The following ZNF90 variants were observed in gnomAD, a reference collection of about 807,000 sequenced individuals.
The protein encoded by ZNF90 is zinc finger protein HTF9.
In ZNF90, 11 loss-of-function variants were observed where a neutral mutation model predicts 12.0. That is an observed-to-expected ratio of 0.92 (90% CI 0.58 to 1.52). The LOEUF (loss-of-function observed/expected upper bound fraction) is 1.52. Ranked by LOEUF, ZNF90 falls within the 40% of genes most tolerant of loss-of-function variation. The pLI, the probability that ZNF90 is intolerant of heterozygous loss-of-function variation, is 0.00. For missense variants in ZNF90, 765 were observed against 711.5 expected, an observed-to-expected ratio of 1.08 and a Z score of -0.86; for synonymous variants, 232 against 240.1, an observed-to-expected ratio of 0.97 and a Z score of 0.31.
Position 20,115,017 on chromosome 19 carries a change from G to A in ZNF90, c.227-2764G>A, listed in dbSNP as rs75437342. On this transcript the variant is annotated intron_variant, in intron 3 of 3. Coordinates refer to ENST00000418063, the MANE Select transcript of ZNF90 (RefSeq NM_007138.2). Reference sequence around the variant, plus strand: ...AACAAATTTGTCATAGGTCCCCAGCGAATGAATCTACATATTGTTTAACAT... The same window carrying A: ...AACAAATTTGTCATAGGTCCCCAGCAAATGAATCTACATATTGTTTAACAT... 3.9e-5 allele frequency among the ~76,000 whole-genome samples: 6 copies of A among 152,084 alleles called. No homozygotes were observed. The East Asian group carries it at 7.7e-4, about 20-fold the overall frequency.
At position 20,119,637 on chromosome 19, in the gene ZNF90, T is replaced by A. The variant is rs2089179067; in HGVS notation, c.*277T>A. On this transcript the variant is annotated 3_prime_UTR_variant, in exon 4 of 4. Transcript: ENST00000418063. ...GTTCTCAATTCTTTTTTTTTTTTTT[T>A]AAGAAGGAGTTTCATGCTTCTCACC... is the stretch of plus-strand genomic sequence containing the variant. 3.7e-6 allele frequency: 1 copy of A among 273,758 alleles called. No homozygotes were observed. Among genetic ancestry groups the A allele is most frequent in the Non-Finnish European group, 6.8e-6 (1 of 147,260 alleles). The allele number at this position is 273,758 out of a possible 1,614,324, so 17.0% of individuals were successfully genotyped here. A position where few individuals can be genotyped will look rare whatever the true frequency, so the allele number is the denominator to read the frequency against.
At chr19:20,116,132 T>C (rs1415564818) in intron 3 of ZNF90, among the ~76,000 whole-genome samples, 6 of 152,132 alleles carry the variant, frequency 3.9e-5, no homozygotes, top group Non-Finnish European at 8.8e-5. Flanking sequence ...CTCAGGCTCC[T>C]AAATTGCTGG....
At chr19:20,114,282 A>G (rs1326582470) in intron 3 of ZNF90, among the ~76,000 whole-genome samples, 1 of 151,616 alleles carries the variant, frequency 6.6e-6, no homozygotes, top group East Asian at 1.9e-4. Context: ...CAGAATGAGA[A>G]GTATATATTT....
At chr19:20,080,868 C>T (rs770273415) in intron 1 of ZNF90, among the ~76,000 whole-genome samples, 4 of 151,796 alleles carry the variant, frequency 2.6e-5, no homozygotes, top group East Asian at 1.9e-4. Context: ...AGTTGTTTGA[C>T]GTTCAGCAAA....
chr19:20,090,949 A>G (rs1555702664), intron 1 of ZNF90, among the ~76,000 whole-genome samples: 1 of 152,192 alleles, frequency 6.6e-6, no homozygotes, highest in Non-Finnish European at 1.5e-5. Context: ...GGTAAGGGAT[A>G]TGAAGTTTCC....
rs747357986 is a variant in ZNF90 at position 20,078,031 on chromosome 19, A to G, written c.-102A>G. 6.7e-7 allele frequency: 1 copy of G among 1,502,884 alleles called. No homozygotes were observed. Among genetic ancestry groups the G allele is most frequent in the South Asian group, 1.1e-5 (1 of 88,708 alleles). The allele number at this position is 1,502,884 out of a possible 1,614,324, so 93.1% of individuals were successfully genotyped here. A position where few individuals can be genotyped will look rare whatever the true frequency, so the allele number is the denominator to read the frequency against. On this transcript the variant is annotated 5_prime_UTR_variant, in exon 1 of 4. Coordinates refer to ENST00000418063, the MANE Select transcript of ZNF90 (RefSeq NM_007138.2). ...TCTCTTGCTGCAGCTGGTGCTCCAA[A>G]TCTGGTCTTAGCTGCTTCGTGTCTT...
intron 1 of ZNF90, chr19:20,080,111 T>G: frequency 8.0e-6 from 3 of 372,750 alleles, no homozygotes; most frequent in South Asian, 6.5e-5. Context: ...AATTTTGTAT[T>G]TTTAGTAGAG....
In ZNF90 at chr19:20,118,210, A is replaced by T; in HGVS notation, c.656A>T (p.His219Leu). 1 of 1,610,212 alleles carries T rather than the reference A, an allele frequency of 6.2e-7. No individual in the cohort carries two copies. ...AFNRSSHLTS[H>L]KRIHTGEKRY... ...AACAGGTCCTCACACCTTACTTCAC[A>T]TAAGAGAATTCATACTGGAGAGAAA... Residue 219 changes from histidine to leucine, a missense_variant, in exon 4 of 4, where the codon CAT becomes CTT. By Grantham distance (99) the His-to-Leu change is moderately conservative. Transcript: ENST00000418063.
chr19:20,081,076 T>C (rs1424375775), intron 1 of ZNF90, among the ~76,000 whole-genome samples: 1 of 152,078 alleles, frequency 6.6e-6, no homozygotes, highest in Non-Finnish European at 1.5e-5. Context: ...ACCCCCCTTT[T>C]CTTGCAAGTG....
In ZNF90 at chr19:20,119,215, G is replaced by A. The variant is rs782535520; in HGVS notation, c.1661G>A (p.Ser554Asn). 6.2e-7 allele frequency: 1 copy of A among 1,610,372 alleles called. No homozygotes were observed. The highest frequency in any genetic ancestry group is 1.7e-5 in the Admixed American group (1 of 59,600). ...TTTAAGCGCTCCTCACAGCTTACTA[G>A]TCATAAGATAAGTCATACTGGAGAG... ...KAFKRSSQLT[S>N]HKISHTGEKP... The change falls in exon 4 of 4, where the codon AGT (serine) becomes AAT (asparagine). Residue 554 changes from serine (S) to asparagine (N), a missense_variant. By Grantham distance (46) the Ser-to-Asn change is conservative (BLOSUM62 1). Coordinates refer to ENST00000418063, the MANE Select transcript of ZNF90 (RefSeq NM_007138.2).
At chr19:20,100,871 A>G (rs547174989) in intron 1 of ZNF90, among the ~76,000 whole-genome samples, 1 of 152,304 alleles carries the variant, frequency 6.6e-6, no homozygotes, top group East Asian at 1.9e-4. Context: ...CAAGAGGTAA[A>G]GAAATAATCA....
chr19:20,109,657 G>T (rs1170745528), intron 3 of ZNF90, among the ~76,000 whole-genome samples: 1 of 151,732 alleles, frequency 6.6e-6, no homozygotes, highest in Admixed American at 6.6e-5. Context: ...GAGGATTCCT[G>T]TAGCCCAAAG....
At chr19:20,111,719 G>T (rs1330650432) in intron 3 of ZNF90, among the ~76,000 whole-genome samples, 1 of 151,778 alleles carries the variant, frequency 6.6e-6, no homozygotes, top group Non-Finnish European at 1.5e-5. Flanking sequence ...CTTGAAATGT[G>T]GAGATTACAT....
Position 20,119,127 on chromosome 19 carries a change from A to G in ZNF90, c.1573A>G (p.Ser525Gly). 6.2e-7 allele frequency: 1 copy of G among 1,613,134 alleles called. No individual in the cohort carries two copies. Residue 525 changes from serine to glycine, a missense_variant, in exon 4 of 4, where the codon AGT becomes GGT. Coordinates refer to ENST00000418063, the MANE Select transcript of ZNF90 (RefSeq NM_007138.2). The part of the protein sequence containing the change: ...GKAFKRSSVL[S>G]KHKIIHTGAK... ...AGCCTTCAAGCGCTCCTCAGTCCTTAGTAAACATAAGATAATTCATACTGG... is the reference window on the plus strand; with the variant it reads ...AGCCTTCAAGCGCTCCTCAGTCCTTGGTAAACATAAGATAATTCATACTGG...
At chr19:20,088,721 G>T (rs1599641409) in intron 1 of ZNF90, among the ~76,000 whole-genome samples, 6 of 152,180 alleles carry the variant, frequency 3.9e-5, no homozygotes, top group Admixed American at 3.9e-4. Context: ...GTCAACTTGG[G>T]CCTGGAGGAC....
intron 3 of ZNF90, among the ~76,000 whole-genome samples, chr19:20,110,428 A>G (rs903980884): frequency 1.3e-5 from 2 of 152,006 alleles, no homozygotes; most frequent in East Asian, 3.9e-4. Context: ...ACAGGCACCC[A>G]CTACCATGCC....
chr19:20,110,305 G>A (rs782816388), intron 3 of ZNF90, among the ~76,000 whole-genome samples: 6 of 152,044 alleles, frequency 3.9e-5, no homozygotes, highest in Non-Finnish European at 5.9e-5. Context: ...TTGAGATGGA[G>A]TCTTGCTCTG....
intron 1 of ZNF90, among the ~76,000 whole-genome samples, chr19:20,086,386 A>G (rs1188848041): frequency 6.6e-6 from 1 of 151,700 alleles, no homozygotes; most frequent in Non-Finnish European, 1.5e-5. Flanking sequence ...AGGTGTGCCC[A>G]ACCATGCCTG....
At chr19:20,080,869 G>C (rs181396385) in intron 1 of ZNF90, among the ~76,000 whole-genome samples, 3 of 151,800 alleles carry the variant, frequency 2.0e-5, no homozygotes, top group Admixed American at 6.5e-5. Context: ...GTTGTTTGAC[G>C]TTCAGCAAAC....
Sources: allele counts gnomAD v4.1 joint callset (sites outside exome capture counted in the v4.1 genomes callset), GRCh38; gene constraint gnomAD v4.1.1; transcripts MANE v1.5; gene names NCBI Gene and HGNC (gene_info 2026-07-23, HGNC 2026-07-21).